Variants in LUZP2 observed in about 807,000 individuals in gnomAD.
LUZP2 encodes leucine zipper protein 2.
In LUZP2, 52 loss-of-function variants were observed where a neutral mutation model predicts 51.6. That is an observed-to-expected ratio of 1.01 (90% confidence interval 0.81 to 1.27). The LOEUF (loss-of-function observed/expected upper bound fraction) is 1.27, where lower values mean the gene tolerates loss of function less well. LUZP2 is among the 50% of genes most tolerant of loss of function. The probability of loss-of-function intolerance (pLI) is 0.00; values close to 1 mark genes in which losing one functional copy is unlikely to be tolerated. For synonymous variants in LUZP2, 154 were observed against 137.3 expected, an observed-to-expected ratio of 1.12 and a Z score of -0.85; for missense variants, 436 against 395.4, an observed-to-expected ratio of 1.10 and a Z score of -0.87.
In LUZP2 at chr11:25,017,382, G is replaced by A. The variant is rs59667580; in HGVS notation, c.766-32656G>A. On this transcript the variant is annotated intron_variant, in intron 9 of 11. Transcript: ENST00000336930. ...AGAGTTTTTCCTAGATTTTCTTTTA[G>A]TGTTTTTATGGTTTTAAGTTTAAGT... is the stretch of plus-strand genomic sequence containing the variant. Among the ~76,000 whole-genome samples, 65 of 152,090 alleles carry A rather than the reference G, an allele frequency of 4.3e-4. No homozygotes were observed. The East Asian group carries it at 0.012, about 29-fold the overall frequency.
chr11:24,743,103 G>T (rs1411556328), intron 4 of LUZP2, among the ~76,000 whole-genome samples: 1 of 152,000 alleles, frequency 6.6e-6, no homozygotes, highest in Non-Finnish European at 1.5e-5. Context: ...TGGGCTTATA[G>T]TTTGAAATCA....
chr11:24,890,221 C>T (rs1852802343), intron 5 of LUZP2, among the ~76,000 whole-genome samples: 1 of 152,010 alleles, frequency 6.6e-6, no homozygotes. Flanking sequence ...AGAAAAGATA[C>T]AGAGTCTCAA....
chr11:24,892,207 G>A (rs1007809080), intron 5 of LUZP2: 1 of 985,270 alleles, frequency 1.0e-6, no homozygotes, highest in South Asian at 4.7e-5. Context: ...GATCTGTGAG[G>A]AAAAATGTGT....
chr11:24,948,884 T>A (rs1014017921), intron 7 of LUZP2, among the ~76,000 whole-genome samples: 1 of 151,126 alleles, frequency 6.6e-6, no homozygotes, highest in Non-Finnish European at 1.5e-5. Flanking sequence ...TCCATCTATC[T>A]AGATATACTT....
chr11:24,901,290 A>T (rs1206108498), intron 5 of LUZP2, among the ~76,000 whole-genome samples: 1 of 152,066 alleles, frequency 6.6e-6, no homozygotes. Context: ...TGACAAAGGC[A>T]CTTAGATATT....
intron 8 of LUZP2, among the ~76,000 whole-genome samples, chr11:24,982,376 A>T (rs891264598): frequency 6.6e-6 from 1 of 151,918 alleles, no homozygotes; most frequent in East Asian, 1.9e-4. Flanking sequence ...CTTCAATGAC[A>T]GATTGGATAA....
intron 1 of LUZP2, among the ~76,000 whole-genome samples, chr11:24,677,112 A>G (rs1856583579): frequency 6.6e-6 from 1 of 152,014 alleles, no homozygotes; most frequent in Admixed American, 6.6e-5. Context: ...TATCAAATAT[A>G]TATCATTTTT....
rs79791770 is a variant in LUZP2, at chr11:24,541,535, C to T, written c.62+44230C>T. Among the ~76,000 whole-genome samples the T allele has an allele frequency of 2.7e-3, 412 of 152,156 alleles. 4 individuals are homozygous for T. Among genetic ancestry groups the T allele is most frequent in the African/African-American group, 9.6e-3 (398 of 41,544 alleles). ...TCTCACCTTTTACCATCTTCATTTT[C>T]AGTCTAACCTTTAGATTTAATGTGT... On this transcript the variant is annotated intron_variant, in intron 1 of 11. Coordinates refer to ENST00000336930, the MANE Select transcript of LUZP2 (RefSeq NM_001009909.4).
intron 1 of LUZP2, among the ~76,000 whole-genome samples, chr11:24,672,813 G>C (rs915690467): frequency 6.6e-6 from 1 of 152,084 alleles, no homozygotes; most frequent in Non-Finnish European, 1.5e-5. Flanking sequence ...AATACTTTAC[G>C]TCAGGGGTCC....
At chr11:24,670,508 A>G (rs964810412) in intron 1 of LUZP2, among the ~76,000 whole-genome samples, 2 of 151,982 alleles carry the variant, frequency 1.3e-5, no homozygotes, top group African/African-American at 4.8e-5. Context: ...TCAAATGGCA[A>G]TTCTTTTAGT....
chr11:25,010,626 A>T (rs1163902660), intron 9 of LUZP2, among the ~76,000 whole-genome samples: 1 of 152,058 alleles, frequency 6.6e-6, no homozygotes, highest in Non-Finnish European at 1.5e-5. Context: ...GGAGGCTTGA[A>T]CTACTTGAGA....
At chr11:24,865,760 G>GTA (rs1302938975) in intron 5 of LUZP2, among the ~76,000 whole-genome samples, 2 of 136,178 alleles carry the variant, frequency 1.5e-5, no homozygotes, top group Non-Finnish European at 3.1e-5. Flanking sequence ...ATATTTATAT[G>GTA]TGTATATATA....
chr11:24,864,649 T>C lies in LUZP2; in HGVS notation c.397-41342T>C, dbSNP rs533148351. ...GTGATTCTTTTACATTCCATGTTAGTGAAAAAGAACAAAGGCCATTATGAA... is the reference window on the plus strand; with the variant it reads ...GTGATTCTTTTACATTCCATGTTAGCGAAAAAGAACAAAGGCCATTATGAA... On this transcript the variant is annotated intron_variant, in intron 5 of 11. Transcript: ENST00000336930. Among the ~76,000 whole-genome samples, 6 of 152,212 alleles carry C rather than the reference T, an allele frequency of 3.9e-5. No individual in the cohort carries two copies. In the South Asian group the frequency reaches 1.2e-3, roughly 32 times the overall value.
chr11:24,716,479 C>G (rs1858047947), intron 1 of LUZP2, among the ~76,000 whole-genome samples: 1 of 152,072 alleles, frequency 6.6e-6, no homozygotes, highest in South Asian at 2.1e-4. Context: ...GGACAGACAT[C>G]AAAGGAGTGA....
chr11:24,550,437 A>G (rs1851691899), intron 1 of LUZP2, among the ~76,000 whole-genome samples: 1 of 152,096 alleles, frequency 6.6e-6, no homozygotes, highest in South Asian at 2.1e-4. Context: ...ACAAAATATT[A>G]TATTCTACAA....
chr11:24,579,143 A>C lies in LUZP2; in HGVS notation c.62+81838A>C, dbSNP rs555335211. Among the ~76,000 whole-genome samples, 8 of 152,284 alleles carry C rather than the reference A, an allele frequency of 5.3e-5. No homozygotes were observed. In the East Asian group the frequency reaches 1.5e-3, roughly 29 times the overall value. On this transcript the variant is annotated intron_variant, in intron 1 of 11. Transcript: ENST00000336930. Reference sequence around the variant, plus strand: ...CATATTCATTAAATCAATAGGAATTAGAAAAATCTTGAAAATACATATAAA... The same window carrying C: ...CATATTCATTAAATCAATAGGAATTCGAAAAATCTTGAAAATACATATAAA...
chr11:24,557,891 T>C (rs578118488), intron 1 of LUZP2, among the ~76,000 whole-genome samples: 80 of 152,260 alleles, frequency 5.3e-4, no homozygotes, highest in Non-Finnish European at 9.6e-4. Flanking sequence ...GTTTCTCTTC[T>C]GCTGAAAGGA....
At chr11:25,030,537 T>G (rs1219574492) in intron 9 of LUZP2, among the ~76,000 whole-genome samples, 1 of 151,920 alleles carries the variant, frequency 6.6e-6, no homozygotes, top group Non-Finnish European at 1.5e-5. Flanking sequence ...TTTATTTATA[T>G]AAATATTGTG....
At chr11:24,916,584 G>A (rs1404173507) in intron 7 of LUZP2, among the ~76,000 whole-genome samples, 1 of 152,166 alleles carries the variant, frequency 6.6e-6, no homozygotes, top group East Asian at 1.9e-4. Flanking sequence ...AACGTGTGGT[G>A]TTTGGTTTTT....
Sources: allele counts gnomAD v4.1 joint callset (sites outside exome capture counted in the v4.1 genomes callset), GRCh38; gene constraint gnomAD v4.1.1; transcripts MANE v1.5; gene names NCBI Gene and HGNC (gene_info 2026-07-23, HGNC 2026-07-21).